The following LBP variants were observed in gnomAD, a reference collection of about 807,000 sequenced individuals.
The protein encoded by LBP is lipopolysaccharide binding protein.
In LBP, 53 loss-of-function variants were observed where a neutral mutation model predicts 56.6. The ratio of observed to expected loss-of-function variants is 0.94; its 90% CI spans 0.75 to 1.18. The LOEUF (loss-of-function observed/expected upper bound fraction) is 1.18. Among genes scored for constraint, LBP ranks in the 50% most tolerant of loss-of-function variants. The pLI, the probability that LBP is intolerant of heterozygous loss-of-function variation, is 0.00. For missense variants in LBP, 601 were observed against 598.3 expected (o/e 1.00, Z -0.05); for synonymous variants, 227 against 247.5 (o/e 0.92, Z 0.78).
rs552194169 is a variant in LBP, at chr20:38,371,173, T to G, written c.1218-107T>G. On this transcript the variant is annotated intron_variant, in intron 11 of 14. Transcript: ENST00000217407. Reference sequence around the variant, plus strand: ...TTCCACTCCTGCTCCCGCCCTACCTTTGGCCCTGTGCCTTCTCAAGCCCAT... The same window carrying G: ...TTCCACTCCTGCTCCCGCCCTACCTGTGGCCCTGTGCCTTCTCAAGCCCAT... 20 of 809,044 alleles carry G rather than the reference T, an allele frequency of 2.5e-5. No homozygotes were observed. In the East Asian group the frequency reaches 4.6e-4, roughly 19 times the overall value. 50.1% of individuals were successfully genotyped at this position (809,044 alleles called of 1,614,324 possible).
chr20:38,362,184 G>T (rs141065638), intron 6 of LBP, among the ~76,000 whole-genome samples: 1 of 149,916 alleles, frequency 6.7e-6, no homozygotes, highest in Non-Finnish European at 1.5e-5. Context: ...TCAGCCTCGC[G>T]AGTAGCTGGG....
intron 1 of LBP, among the ~76,000 whole-genome samples, chr20:38,349,075 G>A (rs1056444336): frequency 2.0e-5 from 3 of 152,134 alleles, no homozygotes; most frequent in African/African-American, 4.8e-5. Context: ...GATTACAGGC[G>A]TGAGCCACCA....
chr20:38,360,430 C>G (rs2076855674), intron 5 of LBP, among the ~76,000 whole-genome samples: 2 of 152,142 alleles, frequency 1.3e-5, no homozygotes, highest in Admixed American at 1.3e-4. Flanking sequence ...GCCAGTGCCC[C>G]CTCCTCAGGC....
At chr20:38,355,514 G>A (rs1226704956) in intron 5 of LBP, 105 bp downstream of exon 5, 25 of 1,027,480 alleles carry the variant, frequency 2.4e-5, no homozygotes, top group South Asian at 1.9e-4. Flanking sequence ...TGGTTTAGAC[G>A]TACTTGGGCC....
chr20:38,360,820 G>A (rs2076857486), intron 6 of LBP, 53 bp downstream of exon 6: 5 of 1,345,464 alleles, frequency 3.7e-6, no homozygotes, highest in East Asian at 2.3e-5. Flanking sequence ...ATTTCTATAA[G>A]AGCATATATA....
At chr20:38,352,644 A>C (rs1600722659) in intron 3 of LBP, among the ~76,000 whole-genome samples, 1 of 152,176 alleles carries the variant, frequency 6.6e-6, no homozygotes, top group Non-Finnish European at 1.5e-5. Context: ...AATCTCAGCT[A>C]CTTAGGAGGA....
At chr20:38,364,303 T>C (rs1475867296) in intron 7 of LBP, among the ~76,000 whole-genome samples, 1 of 152,176 alleles carries the variant, frequency 6.6e-6, no homozygotes, top group Non-Finnish European at 1.5e-5. Flanking sequence ...CTACTTTGCC[T>C]TGCCCATCAT....
intron 11 of LBP, 87 bp from the exon 12 acceptor site, chr20:38,371,193 G>A: frequency 9.5e-7 from 1 of 1,054,836 alleles, no homozygotes; most frequent in African/African-American, 1.6e-5. Context: ...GCCTTCTCAA[G>A]CCCATCCTTT....
chr20:38,353,768 T>A (rs1600723094), intron 3 of LBP, among the ~76,000 whole-genome samples: 1 of 152,304 alleles, frequency 6.6e-6, no homozygotes, highest in East Asian at 1.9e-4. Context: ...TTGAATCTGA[T>A]AGGCGAGAAC....
Position 38,346,535 on chromosome 20 carries a change from G to C in LBP, c.19G>C (p.Ala7Pro). ...ATCTAGGATGGGGGCCTTGGCCAGA[G>C]CCCTGCCGTCCATACTGCTGGCATT... MGALAR[A>P]LPSILLALLL... Residue 7 changes from alanine to proline, a missense_variant, in exon 1 of 15, where the codon GCC becomes CCC. Coordinates refer to ENST00000217407, the MANE Select transcript of LBP (RefSeq NM_004139.5). 6.2e-7 allele frequency: 1 copy of C among 1,613,618 alleles called. No individual in the cohort carries two copies. The highest frequency in any genetic ancestry group is 8.5e-7 in the Non-Finnish European group (1 of 1,179,958).
At chr20:38,352,050 A>ATAT (rs559170776) in intron 3 of LBP, among the ~76,000 whole-genome samples, 1 of 151,796 alleles carries the variant, frequency 6.6e-6, no homozygotes, top group African/African-American at 2.4e-5. Flanking sequence ...AAAAAAAAAA[A>ATAT]AAAGAAAAAA....
intron 6 of LBP, among the ~76,000 whole-genome samples, chr20:38,361,237 A>G (rs1473566122): frequency 6.6e-6 from 1 of 152,080 alleles, no homozygotes; most frequent in Non-Finnish European, 1.5e-5. Context: ...CCAAGAAGTA[A>G]CTTCTGTTTT....
chr20:38,369,053 C>T lies in LBP; in HGVS notation c.1040C>T (p.Pro347Leu), dbSNP rs374549700. 45 of 1,614,118 alleles carry T rather than the reference C, an allele frequency of 2.8e-5. No homozygotes were observed. The highest frequency in any genetic ancestry group is 1.8e-4 in the Admixed American group (11 of 60,022). The change falls in exon 10 of 15, where the codon CCG (proline) becomes CTG (leucine). Residue 347 changes from proline (P) to leucine (L), a missense_variant. Physicochemically the swap from Pro to Leu is moderately conservative, Grantham distance 98. Transcript: ENST00000217407. ...LELQGSVPSA[P>L]LLNFSPGNLS... is the part of the protein sequence containing the mutation. ...CTCCAGGGATCAGTGCCCTCTGCTC[C>T]GCTCCTGAACTTCAGCCCTGGGAAT...
chr20:38,367,561 T>C (rs1166561156), intron 9 of LBP, among the ~76,000 whole-genome samples: 2 of 152,238 alleles, frequency 1.3e-5, no homozygotes, highest in South Asian at 4.1e-4. Context: ...CATCCACTCC[T>C]ATTCCCTAAC....
chr20:38,352,087 T>C (rs1286856511), intron 3 of LBP, among the ~76,000 whole-genome samples: 1 of 151,544 alleles, frequency 6.6e-6, no homozygotes, highest in Non-Finnish European at 1.5e-5. Context: ...CGTTTCTCTC[T>C]GTATGTCCTA....
rs2076839793 is a variant in LBP, at chr20:38,356,350, C to T, written c.588+941C>T. On this transcript the variant is annotated intron_variant, in intron 5 of 14. Coordinates refer to ENST00000217407, the MANE Select transcript of LBP (RefSeq NM_004139.5). Reference sequence around the variant, plus strand: ...AGACCACCCACACCCCCTACATGCACACACCACACACACCCTCCACACACA... The same window carrying T: ...AGACCACCCACACCCCCTACATGCATACACCACACACACCCTCCACACACA... 4.0e-5 allele frequency among the ~76,000 whole-genome samples: 5 copies of T among 125,624 alleles called. No individual in the cohort carries two copies. The South Asian group carries it at 1.2e-3, about 30-fold the overall frequency. 82.4% of individuals were successfully genotyped at this position (125,624 alleles called of 152,430 possible). A position where few individuals can be genotyped will look rare whatever the true frequency, so the allele number is the denominator to read the frequency against.
chr20:38,376,732 A>C lies in LBP; in HGVS notation c.*63A>C, dbSNP rs1190393135. The C allele has an allele frequency of 3.4e-6, 5 of 1,450,576 alleles. No homozygotes were observed. The African/African-American group carries it at 5.6e-5, about 16-fold the overall frequency. 89.9% of individuals were successfully genotyped at this position (1,450,576 alleles called of 1,614,324 possible). On this transcript the variant is annotated 3_prime_UTR_variant, in exon 15 of 15. Coordinates refer to ENST00000217407, the MANE Select transcript of LBP (RefSeq NM_004139.5). ...CTGCTTGTTGCATTTCCAGCTGTGC[A>C]GCACGTCTCAGAGATTCTTGAAGAA... is the stretch of plus-strand genomic sequence containing the variant.
chr20:38,361,480 C>A (rs2076860074), intron 6 of LBP, among the ~76,000 whole-genome samples: 1 of 151,912 alleles, frequency 6.6e-6, no homozygotes, highest in African/African-American at 2.4e-5. Context: ...TCTCGGCTCA[C>A]TGCAGCCTCA....
intron 5 of LBP, among the ~76,000 whole-genome samples, chr20:38,358,292 T>G (rs1275867750): frequency 6.6e-6 from 1 of 152,192 alleles, no homozygotes; most frequent in Non-Finnish European, 1.5e-5. Context: ...GGGCAGGATT[T>G]GAATCCAAAT....
Sources: gnomAD v4.1 joint callset for allele counts (sites outside exome capture counted in the v4.1 genomes callset) on GRCh38, gnomAD v4.1.1 for gene constraint, MANE v1.5 for transcripts, NCBI Gene and HGNC (gene_info 2026-07-23, HGNC 2026-07-21) for gene names.